MGMT: variants seen among roughly 807,000 people sequenced by gnomAD.
MGMT encodes methylated-DNA--protein-cysteine methyltransferase.
In MGMT, 14 loss-of-function variants were observed where a neutral mutation model predicts 15.9. The ratio of observed to expected loss-of-function variants is 0.88; its 90% CI spans 0.58 to 1.37. The LOEUF is 1.37. MGMT is among the 40% of genes most tolerant of loss of function. MGMT has a pLI of 0.00. For synonymous variants in MGMT, 130 were observed against 118.2 expected, an observed-to-expected ratio of 1.10 and a Z score of -0.65; for missense variants, 282 against 268.1, an observed-to-expected ratio of 1.05 and a Z score of -0.36.
intron 4 of MGMT, among the ~76,000 whole-genome samples, chr10:129,763,734 C>T: frequency 6.6e-6 from 1 of 152,282 alleles, no homozygotes; most frequent in African/African-American, 2.4e-5. Context: ...ATAATGCCCT[C>T]ACAGCAATTA....
In MGMT at chr10:129,759,352, A is replaced by C. The variant is rs754808659; in HGVS notation, c.414+11A>C. On this transcript the variant is annotated intron_variant, in intron 4 of 4. Coordinates refer to ENST00000651593, the MANE Select transcript of MGMT (RefSeq NM_002412.5). ...ATGAGAGGCAATCCTGTGAGTTCTC[A>C]TGGCGCAAGCATGGCTGTGGGTGGC... is the stretch of plus-strand genomic sequence containing the variant. The C allele has an allele frequency of 1.3e-4, 209 of 1,613,468 alleles. No homozygotes were observed. The highest frequency in any genetic ancestry group is 1.7e-4 in the Non-Finnish European group (200 of 1,179,686).
intron 1 of MGMT, among the ~76,000 whole-genome samples, chr10:129,477,009 T>C (rs1226738653): frequency 2.6e-5 from 4 of 152,146 alleles, no homozygotes; most frequent in South Asian, 2.1e-4. Flanking sequence ...CAGGCAAGTC[T>C]GTGGGCTCGT....
chr10:129,602,184 C>T (rs546722751), intron 2 of MGMT, among the ~76,000 whole-genome samples: 15 of 152,082 alleles, frequency 9.9e-5, no homozygotes, highest in Non-Finnish European at 1.8e-4. Context: ...GAATCATATA[C>T]ATTTAAAATC....
At chr10:129,682,771 GA>G (rs2133121493) in intron 2 of MGMT, among the ~76,000 whole-genome samples, 1 of 152,232 alleles carries the variant, frequency 6.6e-6, no homozygotes, top group South Asian at 2.1e-4. Context: ...AGGTGCCTGG[GA>G]ACTGTCACTA....
intron 2 of MGMT, among the ~76,000 whole-genome samples, chr10:129,634,603 C>T (rs1279808533): frequency 6.6e-6 from 1 of 151,722 alleles, no homozygotes; most frequent in Non-Finnish European, 1.5e-5. Flanking sequence ...TTTTCTTTTG[C>T]AGTGTCTAAT....
intron 2 of MGMT, among the ~76,000 whole-genome samples, chr10:129,543,916 GATTTTTTA>G (rs1846071688): frequency 6.6e-6 from 1 of 152,206 alleles, no homozygotes; most frequent in Admixed American, 6.5e-5. Context: ...CAGAGCAAAA[GATTTTTTA>G]AGTTTCCAAC....
intron 3 of MGMT, among the ~76,000 whole-genome samples, chr10:129,745,722 C>T (rs1052356003): frequency 2.6e-5 from 4 of 152,094 alleles, no homozygotes; most frequent in African/African-American, 9.7e-5. Flanking sequence ...TGTTGAACAT[C>T]TTCTTTTGTG....
At chr10:129,673,634 G>A (rs1589928831) in intron 2 of MGMT, among the ~76,000 whole-genome samples, 3 of 152,196 alleles carry the variant, frequency 2.0e-5, no homozygotes, top group South Asian at 2.1e-4. Context: ...TGTCCACATC[G>A]GCTTGATGCC....
chr10:129,529,396 A>G (rs1415652638), intron 1 of MGMT, among the ~76,000 whole-genome samples: 1 of 152,094 alleles, frequency 6.6e-6, no homozygotes, highest in Non-Finnish European at 1.5e-5. Context: ...AGATTCTCAT[A>G]AGAAGCGTCC....
intron 3 of MGMT, among the ~76,000 whole-genome samples, chr10:129,750,376 A>G (rs1276460278): frequency 6.6e-6 from 1 of 152,116 alleles, no homozygotes; most frequent in African/African-American, 2.4e-5. Context: ...TGCTTTCTCC[A>G]TTGAATTGCT....
chr10:129,741,483 G>C (rs1357618662), intron 3 of MGMT, among the ~76,000 whole-genome samples: 1 of 152,222 alleles, frequency 6.6e-6, no homozygotes, highest in Non-Finnish European at 1.5e-5. Flanking sequence ...CGCCAGGACT[G>C]CATGTGGCCC....
At chr10:129,526,836 G>T (rs1262535845) in intron 1 of MGMT, among the ~76,000 whole-genome samples, 4 of 152,142 alleles carry the variant, frequency 2.6e-5, no homozygotes, top group Admixed American at 2.6e-4. Flanking sequence ...TCTGTTTCTG[G>T]GTCTCTTCCT....
chr10:129,560,995 G>T (rs889939351), intron 2 of MGMT, among the ~76,000 whole-genome samples: 1 of 144,158 alleles, frequency 6.9e-6, no homozygotes, highest in African/African-American at 2.8e-5. Context: ...GTGTGTGTGT[G>T]TGTTCCTTTC....
At chr10:129,534,034 T>C (rs1845960028) in intron 1 of MGMT, among the ~76,000 whole-genome samples, 1 of 152,188 alleles carries the variant, frequency 6.6e-6, no homozygotes, top group Admixed American at 6.5e-5. Context: ...CTACAGAGCC[T>C]TTGGGAAGCC....
intron 3 of MGMT, among the ~76,000 whole-genome samples, chr10:129,752,750 G>T (rs1269892347): frequency 6.6e-6 from 1 of 151,966 alleles, no homozygotes; most frequent in Admixed American, 6.6e-5. Flanking sequence ...CTCCCATTAT[G>T]TTATAATATC....
At chr10:129,600,054 C>T (rs1846801481) in intron 2 of MGMT, among the ~76,000 whole-genome samples, 2 of 152,122 alleles carry the variant, frequency 1.3e-5, no homozygotes, top group African/African-American at 4.8e-5. Flanking sequence ...GGATAATGAA[C>T]AAATTTGAAA....
At chr10:129,634,559 A>G (rs114183904) in intron 2 of MGMT, among the ~76,000 whole-genome samples, 1,949 of 151,224 alleles carry the variant, frequency 0.013, 44 homozygotes, top group African/African-American at 0.045. Flanking sequence ...CATTTTGTGT[A>G]GTTTCTATAG....
At chr10:129,559,782 T>G (rs945054563) in intron 2 of MGMT, among the ~76,000 whole-genome samples, 2 of 152,226 alleles carry the variant, frequency 1.3e-5, no homozygotes, top group African/African-American at 4.8e-5. Context: ...TAAAAAAACC[T>G]ACAAACTTTT....
At chr10:129,527,653 G>C (rs1845885261) in intron 1 of MGMT, among the ~76,000 whole-genome samples, 1 of 152,128 alleles carries the variant, frequency 6.6e-6, no homozygotes, top group Non-Finnish European at 1.5e-5. Flanking sequence ...GAGAGAGCTT[G>C]CACACACATC....
Sources: gnomAD v4.1 joint callset for allele counts (sites outside exome capture counted in the v4.1 genomes callset) on GRCh38, gnomAD v4.1.1 for gene constraint, MANE v1.5 for transcripts, NCBI Gene and HGNC (gene_info 2026-07-23, HGNC 2026-07-21) for gene names.